The following PCNT variants were observed in gnomAD, a reference collection of about 807,000 sequenced individuals.
The protein encoded by PCNT is kendrin.
PCNT carries 319 observed loss-of-function variants against 380.4 expected under a neutral mutation model. The ratio of observed to expected loss-of-function variants is 0.84; its 90% CI spans 0.77 to 0.92. The LOEUF (loss-of-function observed/expected upper bound fraction) is 0.92. Among genes scored for constraint, PCNT ranks in the 40% least tolerant of loss-of-function variants. The pLI is 0.00. For synonymous variants in PCNT, 1,845 were observed against 1,735.2 expected, an observed-to-expected ratio of 1.06 and a Z score of -1.57; for missense variants, 4,400 against 4,255.3, an observed-to-expected ratio of 1.03 and a Z score of -0.95.
chr21:46,363,469 G>C lies in PCNT; in HGVS notation c.2155-11G>C. ...CGTCTTTCCTCCTAAATGAAATTATGTTGTCTGTAGGTAAAACACAATCTA... is the reference window on the plus strand; with the variant it reads ...CGTCTTTCCTCCTAAATGAAATTATCTTGTCTGTAGGTAAAACACAATCTA... On this transcript the variant is annotated splice_polypyrimidine_tract_variant and intron_variant, in intron 13 of 46. Coordinates refer to ENST00000359568, the MANE Select transcript of PCNT (RefSeq NM_006031.6). The C allele has an allele frequency of 6.2e-7, 1 of 1,601,524 alleles. No individual in the cohort carries two copies. Among genetic ancestry groups the C allele is most frequent in the Non-Finnish European group, 8.6e-7 (1 of 1,169,098 alleles).
intron 13 of PCNT, among the ~76,000 whole-genome samples, chr21:46,360,049 G>A (rs2084647803): frequency 6.6e-6 from 1 of 151,256 alleles, no homozygotes; most frequent in Non-Finnish European, 1.5e-5. Context: ...TAGAGATGAG[G>A]TTTCGCCATG....
Position 46,445,393 on chromosome 21 carries a change from C to G in PCNT, c.*66C>G. On this transcript the variant is annotated 3_prime_UTR_variant, in exon 47 of 47. Coordinates refer to ENST00000359568, the MANE Select transcript of PCNT (RefSeq NM_006031.6). Reference sequence around the variant, plus strand: ...GGAAAAGATTTGTTTTTCCCTTTTCCCAAGGAAGCTCGTGGGACAGCATGG... The same window carrying G: ...GGAAAAGATTTGTTTTTCCCTTTTCGCAAGGAAGCTCGTGGGACAGCATGG... 7.6e-7 allele frequency: 1 copy of G among 1,309,508 alleles called. No homozygotes were observed. The highest frequency in any genetic ancestry group is 1.1e-6 in the Non-Finnish European group (1 of 901,992). The allele number at this position is 1,309,508 out of a possible 1,614,324, so 81.1% of individuals were successfully genotyped here.
intron 2 of PCNT, among the ~76,000 whole-genome samples, chr21:46,327,023 A>G (rs2146251483): frequency 6.6e-6 from 1 of 151,986 alleles, no homozygotes; most frequent in East Asian, 1.9e-4. Flanking sequence ...AAAAAAAAAA[A>G]AACAGTGAGT....
chr21:46,429,319 G>C (rs1386680403), intron 35 of PCNT, among the ~76,000 whole-genome samples: 6 of 97,442 alleles, frequency 6.2e-5, no homozygotes, highest in African/African-American at 3.7e-4. Flanking sequence ...GCGAGCGCTC[G>C]TGAGAGGCAT....
chr21:46,397,462 A>G lies in PCNT; in HGVS notation c.4414A>G (p.Lys1472Glu). The G allele has an allele frequency of 6.2e-7, 1 of 1,614,164 alleles. No homozygotes were observed. Among genetic ancestry groups the G allele is most frequent in the Non-Finnish European group, 8.5e-7 (1 of 1,180,008 alleles). ...GGAACAGCAGGTGGCATCTCTGGAC[A>G]AGCATTTGCGCAACCAGCGGCAATT... ...ALEQQVASLD[K>E]HLRNQRQFMD... Residue 1472 changes from lysine to glutamate, a missense_variant, in exon 22 of 47, where the codon AAG becomes GAG. By Grantham distance (56) the Lys-to-Glu change is moderately conservative (BLOSUM62 1). Transcript: ENST00000359568.
At position 46,436,040 on chromosome 21, in the gene PCNT, C is replaced by T. The variant is rs374903045; in HGVS notation, c.8888C>T (p.Ser2963Leu). 1.8e-5 allele frequency: 29 copies of T among 1,613,856 alleles called. No individual in the cohort carries two copies. The highest frequency in any genetic ancestry group is 3.3e-5 in the Admixed American group (2 of 60,034). Residue 2963 changes from serine (S) to leucine (L), a missense_variant, in exon 39 of 47, where the codon TCG (serine) becomes TTG (leucine). Transcript: ENST00000359568. ...HLGSARRAAG[S>L]DADHLREQQR... ...GGTTCTGCCCGCAGGGCTGCCGGCT[C>T]GGATGCGGACCACCTCCGGGAACAG...
Position 46,430,595 on chromosome 21 carries a change from C to A in PCNT, c.8002C>A (p.Gln2668Lys). 1 of 1,566,388 alleles carries A rather than the reference C, an allele frequency of 6.4e-7. No individual in the cohort carries two copies. Among genetic ancestry groups the A allele is most frequent in the Non-Finnish European group, 8.7e-7 (1 of 1,156,048 alleles). Reference protein sequence around the residue: ...EQGKGRALQSQLEEEQLRHLQ... With the variant: ...EQGKGRALQSKLEEEQLRHLQ... ...GGGGAAGGGGCGTGCCCTGCAGAGC[C>A]AGCTGGAGGAGGAGCAGCTGCGGCA... The change falls in exon 37 of 47, where the codon CAG becomes AAG. Residue 2668 changes from glutamine (Q) to lysine (K), a missense_variant. Transcript: ENST00000359568.
chr21:46,381,620 C>A, intron 15 of PCNT, 74 bp from the exon 16 acceptor site: 1 of 1,417,760 alleles, frequency 7.1e-7, no homozygotes, highest in Non-Finnish European at 1.0e-6. Context: ...GCTGAATGTG[C>A]TGAATTCCGG....
chr21:46,402,599 C>T (rs1601971520), intron 27 of PCNT, 116 bp downstream of exon 27: 2 of 1,098,056 alleles, frequency 1.8e-6, no homozygotes, highest in East Asian at 2.4e-5. Flanking sequence ...ACGCCCGTGG[C>T]CCCCATGTGG....
chr21:46,381,686 G>A lies in PCNT; in HGVS notation c.3166-8G>A, dbSNP rs2085547297. ...ACTGGTATTTTTTATTGTTATTGATGTGTACAGGGTGAATTTGGAAGTGAA... is the reference window on the plus strand; with the variant it reads ...ACTGGTATTTTTTATTGTTATTGATATGTACAGGGTGAATTTGGAAGTGAA... On this transcript the variant is annotated splice_region_variant and splice_polypyrimidine_tract_variant and intron_variant, in intron 15 of 46. Coordinates refer to ENST00000359568, the MANE Select transcript of PCNT (RefSeq NM_006031.6). 3 of 1,611,940 alleles carry A rather than the reference G, an allele frequency of 1.9e-6. No homozygotes were observed. Among genetic ancestry groups the A allele is most frequent in the Non-Finnish European group, 2.5e-6 (3 of 1,178,038 alleles).
chr21:46,444,195 C>T lies in PCNT; in HGVS notation c.9839+247C>T, dbSNP rs573250743. The stretch of plus-strand genomic sequence containing the variant: ...CTTTAGTGAAAGAGTAAATGGTGGC[C>T]GAGGGCTCCTTTTGTGAGGGATGTG... On this transcript the variant is annotated intron_variant, in intron 45 of 46. Coordinates refer to ENST00000359568, the MANE Select transcript of PCNT (RefSeq NM_006031.6). Among the ~76,000 whole-genome samples the T allele has an allele frequency of 5.9e-5, 9 of 152,208 alleles. No homozygotes were observed. In the East Asian group the frequency reaches 1.4e-3, roughly 23 times the overall value.
Position 46,425,228 on chromosome 21 carries a change from C to T in PCNT, c.7180-603C>T, listed in dbSNP as rs1279324077. 6.6e-6 allele frequency among the ~76,000 whole-genome samples: 1 copy of T among 152,198 alleles called. No individual in the cohort carries two copies. The highest frequency in any genetic ancestry group is 1.5e-5 in the Non-Finnish European group (1 of 68,044). ...CGAGACAGTCAAGTGTGTGTCCGGACACCAGCTGCTGCGTAATCGGTGGGA... is the reference window on the plus strand; with the variant it reads ...CGAGACAGTCAAGTGTGTGTCCGGATACCAGCTGCTGCGTAATCGGTGGGA... On this transcript the variant is annotated intron_variant, in intron 32 of 46. Transcript: ENST00000359568. The surrounding 1 kb of genome is among the most constrained non-coding windows in gnomAD (Gnocchi z 4.2).
intron 2 of PCNT, among the ~76,000 whole-genome samples, chr21:46,331,050 G>A (rs2083544572): frequency 6.6e-6 from 1 of 151,998 alleles, no homozygotes; most frequent in Non-Finnish European, 1.5e-5. Flanking sequence ...GAGAGTGTGT[G>A]TATGTGTGTG....
At position 46,411,482 on chromosome 21, in the gene PCNT, C is replaced by A. The variant is rs1386858499; in HGVS notation, c.5409C>A (p.Ser1803Arg). 6.2e-7 allele frequency: 1 copy of A among 1,609,236 alleles called. No homozygotes were observed. ...EAALEAKEAL[S>R]RLLADQERRH... ...CGCTGGAAGCCAAGGAGGCCCTGAG[C>A]CGGCTGCTGGCTGACCAGGAGCGCA... The change falls in exon 28 of 47, where the codon AGC (serine) becomes AGA (arginine). Residue 1803 changes from serine (S) to arginine (R), a missense_variant. Transcript: ENST00000359568.
In PCNT at chr21:46,324,293, G is replaced by A; in HGVS notation, c.54+11G>A. On this transcript the variant is annotated intron_variant, in intron 1 of 46. Transcript: ENST00000359568. ...GCCGGGAGGACGAAGGTAAACATTA[G>A]GGGCTTCTTCTCTAGCTGCTCTGGC... The A allele has an allele frequency of 1.2e-6, 2 of 1,604,428 alleles. No homozygotes were observed. Among genetic ancestry groups the A allele is most frequent in the African/African-American group, 1.3e-5 (1 of 74,914 alleles).
Position 46,412,701 on chromosome 21 carries a change from G to T in PCNT, c.5995-136G>T, listed in dbSNP as rs13052416. The T allele has an allele frequency of 3.0e-3, 2,784 of 925,982 alleles. 18 individuals are homozygous for T. Among genetic ancestry groups the T allele is most frequent in the Non-Finnish European group, 3.9e-3 (2,231 of 569,324 alleles). The allele number at this position is 925,982 out of a possible 1,614,324, so 57.4% of individuals were successfully genotyped here. ...TGGCCTGCTGTGGACCAAGGTGCTC[G>T]GCTGTGGATGTCACTGCCACCTCCC... On this transcript the variant is annotated intron_variant, in intron 28 of 46. Transcript: ENST00000359568.
intron 9 of PCNT, among the ~76,000 whole-genome samples, chr21:46,352,891 G>A (rs1024238616): frequency 1.3e-5 from 2 of 152,154 alleles, no homozygotes; most frequent in Admixed American, 6.6e-5. Flanking sequence ...TTTGCTCCCA[G>A]CCCTGTGGCT....
intron 33 of PCNT, among the ~76,000 whole-genome samples, chr21:46,426,917 G>A (rs1309254382): frequency 6.6e-6 from 1 of 152,198 alleles, no homozygotes; most frequent in East Asian, 1.9e-4. Context: ...GGAACGCACA[G>A]GGTGTGCTGG....
intron 1 of PCNT, among the ~76,000 whole-genome samples, chr21:46,324,578 G>A (rs2083297458): frequency 6.7e-6 from 1 of 149,966 alleles, no homozygotes; most frequent in Admixed American, 6.6e-5. Context: ...GGGGTGGGGC[G>A]CGGGCTGGGC....
Sources: gnomAD v4.1 joint callset for allele counts (sites outside exome capture counted in the v4.1 genomes callset) on GRCh38, gnomAD v4.1.1 for gene constraint, Gnocchi (gnomAD v3.1) non-coding constraint, MANE v1.5 for transcripts, NCBI Gene and HGNC (gene_info 2026-07-23, HGNC 2026-07-21) for gene names.